CPE: variants seen among roughly 807,000 people sequenced by gnomAD.
CPE encodes carboxypeptidase E.
CPE carries 17 observed loss-of-function variants against 53.5 expected under a neutral mutation model. That is an observed-to-expected ratio of 0.32 (90% CI 0.22 to 0.48). CPE has a LOEUF of 0.48. CPE is among the 20% of genes least tolerant of loss of function. CPE has a pLI of 0.99. For missense variants in CPE, 524 were observed against 614.7 expected (o/e 0.85, Z 1.56); for synonymous variants, 226 against 228.8 (o/e 0.99, Z 0.11).
intron 1 of CPE, chr4:165,381,198 G>C (rs1479217174): frequency 2.2e-6 from 1 of 451,662 alleles, no homozygotes; most frequent in Non-Finnish European, 4.5e-6. Flanking sequence ...AATGTGATAT[G>C]CTTTAGAAAA....
At chr4:165,426,823 C>A (rs1731327752) in intron 1 of CPE, among the ~76,000 whole-genome samples, 2 of 152,148 alleles carry the variant, frequency 1.3e-5, no homozygotes, top group African/African-American at 4.8e-5. Context: ...GTCTCACAAC[C>A]AAGAAAATTA....
At chr4:165,422,070 A>G (rs1731233080) in intron 1 of CPE, among the ~76,000 whole-genome samples, 1 of 152,212 alleles carries the variant, frequency 6.6e-6, no homozygotes, top group Admixed American at 6.5e-5. Flanking sequence ...GTTTTAAAAT[A>G]ACAGGGAAAA....
chr4:165,394,955 C>T (rs973667782), intron 1 of CPE, among the ~76,000 whole-genome samples: 2 of 152,012 alleles, frequency 1.3e-5, no homozygotes, highest in Non-Finnish European at 2.9e-5. Flanking sequence ...GAATGAAGAG[C>T]CTCCTTAAAT....
chr4:165,495,777 C>G, intron 8 of CPE, 100 bp downstream of exon 8: 1 of 749,714 alleles, frequency 1.3e-6, no homozygotes, highest in Non-Finnish European at 2.1e-6. Context: ...CGTACTAGCC[C>G]TATGAGGTAG....
Position 165,497,679 on chromosome 4 carries a change from T to A in CPE, c.*69T>A. 1 of 801,070 alleles carries A rather than the reference T, an allele frequency of 1.2e-6. No individual in the cohort carries two copies. Among genetic ancestry groups the A allele is most frequent in the South Asian group, 3.9e-5 (1 of 25,540 alleles). 49.6% of individuals were successfully genotyped at this position (801,070 alleles called of 1,614,324 possible). ...GTATGATGTAATGTGGTCTTTTTTTTAGATTTTGTGCAGTTAATACTTAAC... is the reference window on the plus strand; with the variant it reads ...GTATGATGTAATGTGGTCTTTTTTTAAGATTTTGTGCAGTTAATACTTAAC... On this transcript the variant is annotated 3_prime_UTR_variant, in exon 9 of 9. Transcript: ENST00000402744.
At chr4:165,411,815 G>T (rs529656474) in intron 1 of CPE, among the ~76,000 whole-genome samples, 56 of 152,234 alleles carry the variant, frequency 3.7e-4, no homozygotes, top group African/African-American at 1.3e-3. Flanking sequence ...GTGGATTCTG[G>T]TTCTACCCAT....
chr4:165,411,048 G>C (rs1360430539), intron 1 of CPE, among the ~76,000 whole-genome samples: 1 of 152,184 alleles, frequency 6.6e-6, no homozygotes, highest in African/African-American at 2.4e-5. Flanking sequence ...AGGAAATAGG[G>C]AAGTGATTAT....
chr4:165,439,105 G>T (rs186238888), intron 1 of CPE, among the ~76,000 whole-genome samples: 1 of 152,258 alleles, frequency 6.6e-6, no homozygotes, highest in Admixed American at 6.5e-5. Flanking sequence ...AGGGAATAAT[G>T]AGAAACACTT....
intron 1 of CPE, among the ~76,000 whole-genome samples, chr4:165,420,652 A>G (rs923226985): frequency 6.6e-6 from 1 of 151,956 alleles, no homozygotes; most frequent in African/African-American, 2.4e-5. Context: ...ATTTATTCCT[A>G]TGCATAATTG....
intron 1 of CPE, among the ~76,000 whole-genome samples, chr4:165,463,790 G>A (rs938824693): frequency 3.9e-5 from 6 of 152,224 alleles, no homozygotes; most frequent in Non-Finnish European, 8.8e-5. Context: ...TAGGAGGCAC[G>A]TAGTGTGTTA....
At chr4:165,488,284 G>A (rs1251621715) in intron 6 of CPE, among the ~76,000 whole-genome samples, 2 of 152,118 alleles carry the variant, frequency 1.3e-5, no homozygotes, top group Non-Finnish European at 2.9e-5. Context: ...TCTGAATCAA[G>A]GCTGTCTATT....
At chr4:165,454,670 G>A (rs1418812867) in intron 1 of CPE, among the ~76,000 whole-genome samples, 1 of 152,120 alleles carries the variant, frequency 6.6e-6, no homozygotes, top group Non-Finnish European at 1.5e-5. Flanking sequence ...GTTCATTCAT[G>A]GGCATAAAGA....
At chr4:165,442,407 C>T (rs924691751) in intron 1 of CPE, among the ~76,000 whole-genome samples, 4 of 152,122 alleles carry the variant, frequency 2.6e-5, no homozygotes, top group African/African-American at 9.7e-5. Context: ...ATCCACAGTA[C>T]TACTTCCATA....
chr4:165,433,726 C>T (rs1451970330), intron 1 of CPE, among the ~76,000 whole-genome samples: 1 of 152,180 alleles, frequency 6.6e-6, no homozygotes, highest in Non-Finnish European at 1.5e-5. Context: ...GTGTTCTCAT[C>T]ACTGTTTGCT....
intron 2 of CPE, among the ~76,000 whole-genome samples, chr4:165,466,989 G>T (rs892021730): frequency 6.6e-6 from 1 of 151,990 alleles, no homozygotes. Context: ...CTTTTTTAAA[G>T]CATTTTAATG....
At chr4:165,435,091 T>C (rs1731475127) in intron 1 of CPE, among the ~76,000 whole-genome samples, 1 of 152,322 alleles carries the variant, frequency 6.6e-6, no homozygotes, top group South Asian at 2.1e-4. Context: ...GGCATGCTTC[T>C]TGTGCAGCCT....
chr4:165,379,455 G>A lies in CPE; in HGVS notation c.234G>A (p.Thr78=), dbSNP rs1730466659. 1.2e-6 allele frequency: 2 copies of A among 1,607,076 alleles called. No homozygotes were observed. The highest frequency in any genetic ancestry group is 1.1e-5 in the South Asian group (1 of 90,460). ...LQCTAISRIY[T]VGRSFEGREL... ...GCACCGCCATCAGCAGGATTTACAC[G>A]GTGGGGCGCAGCTTCGAGGGCCGGG... Residue 78 remains threonine (T), a synonymous_variant, in exon 1 of 9, where the codon ACG becomes ACA. Transcript: ENST00000402744. This position sits in a 1 kb window ranked among gnomAD's most constrained non-coding sequence, Gnocchi z 6.0.
At position 165,498,534 on chromosome 4, in the gene CPE, A is replaced by G. The variant is rs2126721965; in HGVS notation, c.*924A>G. Among the ~76,000 whole-genome samples the G allele has an allele frequency of 6.6e-6, 1 of 152,358 alleles. No individual in the cohort carries two copies. Among genetic ancestry groups the G allele is most frequent in the African/African-American group, 2.4e-5 (1 of 41,582 alleles). On this transcript the variant is annotated 3_prime_UTR_variant, in exon 9 of 9. Transcript: ENST00000402744. Reference sequence around the variant, plus strand: ...TTTTGGGCACAACCTTTATATAAATAACACAAAAATTAATGTTTGGACACA... The same window carrying G: ...TTTTGGGCACAACCTTTATATAAATGACACAAAAATTAATGTTTGGACACA...
chr4:165,417,792 A>C (rs1468861712), intron 1 of CPE, among the ~76,000 whole-genome samples: 1 of 74,112 alleles, frequency 1.3e-5, no homozygotes, highest in Non-Finnish European at 3.1e-5. Flanking sequence ...AAAAAAAAAG[A>C]CATTAAATCT....
Sources: allele counts gnomAD v4.1 joint callset (sites outside exome capture counted in the v4.1 genomes callset), GRCh38; gene constraint gnomAD v4.1.1; non-coding constraint Gnocchi (gnomAD v3.1); transcripts MANE v1.5; gene names NCBI Gene and HGNC (gene_info 2026-07-23, HGNC 2026-07-21).